NRXN1: variants seen among roughly 807,000 people sequenced by gnomAD.
The protein encoded by NRXN1 is neurexin 1, also known as neurexin-1.
A neutral mutation model predicts 150.9 loss-of-function variants in NRXN1; 39 were observed. The observed-to-expected ratio is 0.26, with a 90% CI of 0.20 to 0.34. The LOEUF is 0.34. NRXN1 is among the 10% of genes least tolerant of loss of function. The pLI, the probability that NRXN1 is intolerant of heterozygous loss-of-function variation, is 1.00. For synonymous variants in NRXN1, 924 were observed against 757.0 expected (o/e 1.22, Z -3.62); for missense variants, 1,815 against 1,949.9 (o/e 0.93, Z 1.30).
intron 17 of NRXN1, among the ~76,000 whole-genome samples, chr2:50,292,083 T>C (rs1558465380): frequency 6.6e-6 from 1 of 152,184 alleles, no homozygotes; most frequent in Non-Finnish European, 1.5e-5. Context: ...TTCATTAAAA[T>C]CAGGAGTCAG....
chr2:50,062,105 A>G (rs1231943833), intron 19 of NRXN1, among the ~76,000 whole-genome samples: 2 of 152,182 alleles, frequency 1.3e-5, no homozygotes, highest in Non-Finnish European at 2.9e-5. Flanking sequence ...GATGGCTTAT[A>G]TTTGGAATGT....
intron 18 of NRXN1, among the ~76,000 whole-genome samples, chr2:50,198,698 T>C (rs566940733): frequency 6.6e-6 from 1 of 152,238 alleles, no homozygotes; most frequent in East Asian, 1.9e-4. Context: ...GTCATTAAAG[T>C]GCAGGGATCC....
At chr2:49,950,528 T>C (rs1673741675) in intron 21 of NRXN1, among the ~76,000 whole-genome samples, 1 of 151,996 alleles carries the variant, frequency 6.6e-6, no homozygotes. Flanking sequence ...TCAGTACACA[T>C]GAAGGTATAA....
intron 2 of NRXN1, among the ~76,000 whole-genome samples, chr2:50,952,933 T>C (rs1210810251): frequency 2.0e-5 from 3 of 152,238 alleles, no homozygotes; most frequent in East Asian, 1.9e-4. Context: ...TCGTTTCTTA[T>C]GCTTCTTTGT....
At chr2:50,607,648 G>A (rs746965131) in intron 8 of NRXN1, among the ~76,000 whole-genome samples, 3 of 150,614 alleles carry the variant, frequency 2.0e-5, no homozygotes, top group Non-Finnish European at 2.9e-5. Flanking sequence ...TTACCATACA[G>A]AAATGATAAT....
rs757917920 is a variant in NRXN1, at chr2:50,623,529, C to A, written c.919G>T (p.Glu307Ter). The change falls in exon 6 of 23, where the codon GAA becomes TAA. Residue 307 changes from glutamate to a stop codon, truncating the protein, a stop_gained. Transcript: ENST00000401669. LOFTEE classifies it high-confidence loss of function. ...AGGGTTTTAAATGACAGAGTTATTT[C>A]ATCACTGCTGCTTTGAATGGGGTTT... ...SQNPIQSSSD[E>*]ITLSFKTLQR... The A allele has an allele frequency of 6.2e-7, 1 of 1,612,954 alleles. No individual in the cohort carries two copies. The highest frequency in any genetic ancestry group is 1.1e-5 in the South Asian group (1 of 91,070).
Position 49,920,814 on chromosome 2 carries a change from T to A in NRXN1, c.*1130A>T, listed in dbSNP as rs545127661. ...AGATTATAAGATACATATGTATATA[T>A]GTGACTTTCTAATTCACACCTTTCA... is the stretch of plus-strand genomic sequence containing the variant. On this transcript the variant is annotated 3_prime_UTR_variant, in exon 23 of 23. Transcript: ENST00000401669. 6.6e-6 allele frequency: 1 copy of A among 152,560 alleles called. No individual in the cohort carries two copies. Among genetic ancestry groups the A allele is most frequent in the East Asian group, 1.9e-4 (1 of 5,162 alleles). 9.5% of individuals were successfully genotyped at this position (152,560 alleles called of 1,614,324 possible). A position where few individuals can be genotyped will look rare whatever the true frequency, so the allele number is the denominator to read the frequency against.
intron 8 of NRXN1, among the ~76,000 whole-genome samples, chr2:50,598,213 C>A (rs1161114571): frequency 4.0e-5 from 6 of 151,874 alleles, no homozygotes; most frequent in African/African-American, 1.5e-4. Context: ...ATGAATGAGT[C>A]CAAATCAAAA....
At chr2:50,920,098 C>T (rs1685781478) in intron 5 of NRXN1, 1 of 226,960 alleles carries the variant, frequency 4.4e-6, no homozygotes, top group South Asian at 4.8e-5. Context: ...TTGCAAAATA[C>T]TCAAGTCCAT....
At chr2:50,227,850 T>C (rs992919160) in intron 18 of NRXN1, among the ~76,000 whole-genome samples, 7 of 152,210 alleles carry the variant, frequency 4.6e-5, no homozygotes, top group South Asian at 2.1e-4. Flanking sequence ...ATTTGAGATA[T>C]GGCTAATGTG....
intron 17 of NRXN1, among the ~76,000 whole-genome samples, chr2:50,243,835 GC>G (rs1020311317): frequency 6.6e-6 from 1 of 151,598 alleles, no homozygotes; most frequent in Non-Finnish European, 1.5e-5. Flanking sequence ...TTAGGCTCTA[GC>G]CCAGCCAAGA....
chr2:50,476,520 T>G (rs1195265742), intron 15 of NRXN1, among the ~76,000 whole-genome samples: 1 of 150,670 alleles, frequency 6.6e-6, no homozygotes, highest in Non-Finnish European at 1.5e-5. Context: ...GCATCTAGTA[T>G]ACAGCATGGA....
At chr2:50,446,433 C>CTCCT (rs1297291285) in intron 17 of NRXN1, among the ~76,000 whole-genome samples, 1 of 129,104 alleles carries the variant, frequency 7.7e-6, no homozygotes, top group Non-Finnish European at 1.6e-5. Context: ...CCTTCCTTTC[C>CTCCT]TCCTTCCTTC....
chr2:50,440,465 C>A (rs1487857114), intron 17 of NRXN1, among the ~76,000 whole-genome samples: 2 of 151,138 alleles, frequency 1.3e-5, no homozygotes, highest in East Asian at 3.9e-4. Flanking sequence ...GTATCTCTGC[C>A]CTTATGAAGT....
At chr2:50,331,806 G>GT (rs1313926551) in intron 17 of NRXN1, among the ~76,000 whole-genome samples, 1 of 152,116 alleles carries the variant, frequency 6.6e-6, no homozygotes, top group Non-Finnish European at 1.5e-5. Flanking sequence ...AAGATCTTAG[G>GT]TAAAAAGTCG....
At chr2:50,867,598 T>C (rs2106075095) in intron 5 of NRXN1, among the ~76,000 whole-genome samples, 2 of 151,938 alleles carry the variant, frequency 1.3e-5, no homozygotes, top group Middle Eastern at 3.4e-3. Flanking sequence ...TGGAGAGATA[T>C]GCCTTTACAT....
intron 21 of NRXN1, among the ~76,000 whole-genome samples, chr2:49,968,748 G>T (rs187846536): frequency 2.0e-5 from 3 of 152,152 alleles, no homozygotes; most frequent in Non-Finnish European, 4.4e-5. Context: ...GAAATATATA[G>T]AATACAATGA....
intron 18 of NRXN1, among the ~76,000 whole-genome samples, chr2:50,161,111 C>T (rs1017674143): frequency 1.3e-5 from 2 of 152,132 alleles, no homozygotes; most frequent in East Asian, 1.9e-4. Flanking sequence ...CTGCCATAAT[C>T]TGTCAAAACT....
At chr2:49,958,342 T>C (rs938268870) in intron 21 of NRXN1, among the ~76,000 whole-genome samples, 1 of 152,188 alleles carries the variant, frequency 6.6e-6, no homozygotes, top group East Asian at 1.9e-4. Context: ...TAAATAAACA[T>C]CACTTACATA....
Sources: gnomAD v4.1 joint callset for allele counts (sites outside exome capture counted in the v4.1 genomes callset) on GRCh38, gnomAD v4.1.1 for gene constraint, MANE v1.5 for transcripts, NCBI Gene and HGNC (gene_info 2026-07-23, HGNC 2026-07-21) for gene names.